Variants in PDE5A observed in about 807,000 individuals in gnomAD.
PDE5A encodes phosphodiesterase 5A, also known as cGMP-specific 3',5'-cyclic phosphodiesterase.
PDE5A carries 67 observed loss-of-function variants against 110.2 expected under a neutral mutation model. That is an observed-to-expected ratio of 0.61 (90% confidence interval 0.50 to 0.75). The LOEUF is 0.75. PDE5A is among the 30% of genes least tolerant of loss of function. PDE5A has a pLI of 0.00. For synonymous variants in PDE5A, 328 were observed against 351.2 expected (o/e 0.93, Z 0.74); for missense variants, 862 against 1,045.1 (o/e 0.82, Z 2.42).
At chr4:119,521,194 A>G in intron 12 of PDE5A, 134 bp from the exon 13 acceptor site, 1 of 909,514 alleles carries the variant, frequency 1.1e-6, no homozygotes, top group Non-Finnish European at 1.6e-6. Context: ...AAGAAAACTG[A>G]CACTCAGAGA....
chr4:119,519,180 T>C (rs1428872315), intron 13 of PDE5A, 41 bp from the exon 14 acceptor site: 2 of 1,445,560 alleles, frequency 1.4e-6, no homozygotes, highest in African/African-American at 1.4e-5. Context: ...AGAACAAATA[T>C]AATGTGGTGA....
intron 7 of PDE5A, among the ~76,000 whole-genome samples, chr4:119,559,230 C>T (rs1221051392): frequency 6.6e-6 from 1 of 151,882 alleles, no homozygotes; most frequent in East Asian, 1.9e-4. Flanking sequence ...TGCATATTTA[C>T]CAGTAGAGGT....
At chr4:119,585,774 G>C (rs1007091339) in intron 3 of PDE5A, among the ~76,000 whole-genome samples, 3 of 152,158 alleles carry the variant, frequency 2.0e-5, no homozygotes, top group African/African-American at 7.2e-5. Flanking sequence ...AGAACGCCGG[G>C]AAAGTCGTAG....
chr4:119,621,949 T>A (rs1054284087), intron 1 of PDE5A, among the ~76,000 whole-genome samples: 2 of 151,514 alleles, frequency 1.3e-5, no homozygotes, highest in African/African-American at 4.9e-5. Flanking sequence ...GGCGGGGGGA[T>A]CACCAAGTCA....
intron 13 of PDE5A, among the ~76,000 whole-genome samples, chr4:119,520,468 A>G (rs1726083606): frequency 6.6e-6 from 1 of 152,054 alleles, no homozygotes; most frequent in Non-Finnish European, 1.5e-5. Context: ...CTTTCTATGA[A>G]ACAGTACTTA....
chr4:119,542,367 C>A, intron 10 of PDE5A, 92 bp downstream of exon 10: 1 of 1,167,988 alleles, frequency 8.6e-7, no homozygotes, highest in Non-Finnish European at 1.2e-6. Context: ...GACACAATGA[C>A]GGAACACACA....
chr4:119,561,508 T>C (rs1279204402), intron 6 of PDE5A, among the ~76,000 whole-genome samples: 1 of 152,154 alleles, frequency 6.6e-6, no homozygotes, highest in Non-Finnish European at 1.5e-5. Flanking sequence ...GAAGTATCCA[T>C]TGAGTGCGAA....
chr4:119,589,474 C>CA (rs149554809), intron 3 of PDE5A, among the ~76,000 whole-genome samples: 117,788 of 151,954 alleles, frequency 0.78, 45,808 homozygotes, highest in East Asian at 0.89. Flanking sequence ...CTTTACTAAA[C>CA]AAAAAAAGAA....
chr4:119,625,612 C>T (rs1730318607), intron 1 of PDE5A, among the ~76,000 whole-genome samples: 3 of 151,936 alleles, frequency 2.0e-5, no homozygotes, highest in South Asian at 2.1e-4. Flanking sequence ...TAAAACATGC[C>T]GCATGCATCT....
At chr4:119,520,194 C>T (rs1021576906) in intron 13 of PDE5A, among the ~76,000 whole-genome samples, 3 of 151,844 alleles carry the variant, frequency 2.0e-5, no homozygotes, top group African/African-American at 4.8e-5. Flanking sequence ...AAATGTGCAC[C>T]CTATGAAAGT....
intron 12 of PDE5A, among the ~76,000 whole-genome samples, chr4:119,523,910 G>A (rs1466605619): frequency 6.6e-6 from 1 of 152,052 alleles, no homozygotes; most frequent in Admixed American, 6.6e-5. Flanking sequence ...AGAAGCAGAA[G>A]TGAGATTCAC....
At position 119,607,287 on chromosome 4, in the gene PDE5A, TG is replaced by T. The variant is rs1473355653; in HGVS notation, c.162del (p.Asn55MetfsTer68). The T allele has an allele frequency of 8.7e-6, 14 of 1,607,994 alleles. No homozygotes were observed. Among genetic ancestry groups the T allele is most frequent in the Non-Finnish European group, 1.2e-5 (14 of 1,178,442 alleles). On this transcript the variant is annotated frameshift_variant, in exon 2 of 21. Coordinates refer to ENST00000354960, the MANE Select transcript of PDE5A (RefSeq NM_001083.4). LOFTEE classifies it high-confidence loss of function. ...TGAACTCTCTCAGCAAACCATGCAT[TG>T]ACCATTTCTCTGCAGAACAGAACGT... ...YFVRKATREM[V>X]NAWFAERVHT...
At chr4:119,557,631 T>C (rs1314125166) in intron 7 of PDE5A, among the ~76,000 whole-genome samples, 2 of 152,178 alleles carry the variant, frequency 1.3e-5, no homozygotes, top group African/African-American at 4.8e-5. Flanking sequence ...ACTTACTGAA[T>C]GCCAGAAATT....
At chr4:119,504,654 C>A (rs1725495164) in intron 17 of PDE5A, 55 bp from the exon 18 acceptor site, 1 of 1,398,844 alleles carries the variant, frequency 7.1e-7, no homozygotes, top group South Asian at 1.2e-5. Flanking sequence ...TTATTATATA[C>A]CCTCAGTAAA....
intron 14 of PDE5A, among the ~76,000 whole-genome samples, chr4:119,517,606 CT>C (rs35519053): frequency 0.3 from 37,850 of 126,424 alleles, 4,803 homozygotes; most frequent in East Asian, 0.41. Context: ...CTTTTTCTTT[CT>C]TTTTTTTTTT....
chr4:119,576,656 C>A (rs2110517201), intron 3 of PDE5A, among the ~76,000 whole-genome samples: 1 of 151,912 alleles, frequency 6.6e-6, no homozygotes, highest in South Asian at 2.1e-4. Flanking sequence ...AAAGACACAA[C>A]ATACCAGAAT....
At chr4:119,557,709 A>G (rs1727590898) in intron 7 of PDE5A, among the ~76,000 whole-genome samples, 1 of 152,212 alleles carries the variant, frequency 6.6e-6, no homozygotes, top group African/African-American at 2.4e-5. Flanking sequence ...CTACAGATGA[A>G]GAAACTGAGG....
chr4:119,574,252 G>A (rs1466635669), intron 3 of PDE5A, among the ~76,000 whole-genome samples: 4 of 130,494 alleles, frequency 3.1e-5, no homozygotes, highest in East Asian at 2.4e-4. Context: ...ATGCGCTCTC[G>A]GCTCACTGCA....
chr4:119,533,084 A>C (rs1249130557), intron 11 of PDE5A, among the ~76,000 whole-genome samples: 3 of 152,186 alleles, frequency 2.0e-5, no homozygotes, highest in Non-Finnish European at 4.4e-5. Flanking sequence ...AATTAGCCTC[A>C]GTGTTGTATA....
Sources: allele counts gnomAD v4.1 joint callset (sites outside exome capture counted in the v4.1 genomes callset), GRCh38; gene constraint gnomAD v4.1.1; transcripts MANE v1.5; gene names NCBI Gene and HGNC (gene_info 2026-07-23, HGNC 2026-07-21).